Variants in TRAF3 observed in about 807,000 individuals in gnomAD.
The protein encoded by TRAF3 is TNF receptor-associated factor 3.
Under a neutral mutation model 62.3 loss-of-function variants are expected in TRAF3, and 13 were observed. That is an observed-to-expected ratio of 0.21 (90% CI 0.14 to 0.33). TRAF3 has a LOEUF of 0.33. TRAF3 is among the 10% of genes least tolerant of loss of function. TRAF3 has a pLI of 1.00. For synonymous variants in TRAF3, 269 were observed against 283.4 expected, an observed-to-expected ratio of 0.95 and a Z score of 0.51; for missense variants, 440 against 741.8, an observed-to-expected ratio of 0.59 and a Z score of 4.73.
rs541942138 is a variant in TRAF3, at chr14:102,880,720, A to G, written c.570+4195A>G. Among the ~76,000 whole-genome samples, 4 of 152,398 alleles carry G rather than the reference A, an allele frequency of 2.6e-5. No individual in the cohort carries two copies. In the South Asian group the frequency reaches 8.3e-4, roughly 32 times the overall value. On this transcript the variant is annotated intron_variant, in intron 6 of 11. Transcript: ENST00000392745. ...CATGGAATCAACCTAAATGCCCATC[A>G]GTGATAGACTGGATAAAGAAAATGT...
chr14:102,886,346 C>A, intron 7 of TRAF3, 77 bp downstream of exon 7: 1 of 1,269,654 alleles, frequency 7.9e-7, no homozygotes. Context: ...CCTGCATAGC[C>A]GAAGCCTCAC....
intron 2 of TRAF3, among the ~76,000 whole-genome samples, chr14:102,832,408 TCA>T (rs1303839463): frequency 2.6e-5 from 4 of 151,908 alleles, no homozygotes; most frequent in Non-Finnish European, 5.9e-5. Context: ...GCGTGGTGGC[TCA>T]CACCTGTAAT....
At chr14:102,797,036 G>GA in intron 1 of TRAF3, among the ~76,000 whole-genome samples, 1 of 152,208 alleles carries the variant, frequency 6.6e-6, no homozygotes, top group East Asian at 1.9e-4. Context: ...GAAGGGTAAT[G>GA]AGTCTTGAGG....
chr14:102,889,488 CTG>C, intron 7 of TRAF3, 70 bp from the exon 8 acceptor site: 1 of 1,462,528 alleles, frequency 6.8e-7, no homozygotes, highest in Non-Finnish European at 9.6e-7. Flanking sequence ...CAGATGCTAT[CTG>C]TGCCCTAATA....
intron 2 of TRAF3, among the ~76,000 whole-genome samples, chr14:102,839,567 C>CT (rs1349582582): frequency 6.6e-6 from 1 of 152,174 alleles, no homozygotes; most frequent in East Asian, 1.9e-4. Flanking sequence ...TGAGCACTTA[C>CT]TTTCAACAGT....
chr14:102,840,859 T>A (rs1356371609), intron 2 of TRAF3, among the ~76,000 whole-genome samples: 3 of 152,180 alleles, frequency 2.0e-5, no homozygotes, highest in Non-Finnish European at 4.4e-5. Flanking sequence ...CCATGTTCCT[T>A]GAAATAAGGG....
At chr14:102,785,807 C>T (rs138577355) in intron 1 of TRAF3, among the ~76,000 whole-genome samples, 1 of 152,096 alleles carries the variant, frequency 6.6e-6, no homozygotes. Context: ...TGTACCTGCT[C>T]CAGGAAGGGC....
chr14:102,802,847 G>C (rs879862306), intron 1 of TRAF3, among the ~76,000 whole-genome samples: 3 of 152,082 alleles, frequency 2.0e-5, no homozygotes, highest in Non-Finnish European at 4.4e-5. Flanking sequence ...AAATACTCGA[G>C]ACTGAGTAAT....
At chr14:102,796,160 T>G (rs1196671212) in intron 1 of TRAF3, among the ~76,000 whole-genome samples, 1 of 152,214 alleles carries the variant, frequency 6.6e-6, no homozygotes, top group Non-Finnish European at 1.5e-5. Context: ...GAGGTTGCAG[T>G]GAGCCGAGTT....
intron 2 of TRAF3, among the ~76,000 whole-genome samples, chr14:102,835,094 G>T (rs1375745771): frequency 6.6e-6 from 1 of 152,092 alleles, no homozygotes; most frequent in East Asian, 1.9e-4. Context: ...TGGGCAAAGG[G>T]CATGCACAGT....
At chr14:102,829,624 T>C (rs1006645253) in intron 1 of TRAF3, among the ~76,000 whole-genome samples, 2 of 152,194 alleles carry the variant, frequency 1.3e-5, no homozygotes, top group African/African-American at 2.4e-5. Context: ...GGCACAGCTT[T>C]CTATCCATCT....
chr14:102,842,762 A>C (rs57098056), intron 2 of TRAF3, among the ~76,000 whole-genome samples: 13,215 of 152,206 alleles, frequency 0.087, 1,420 homozygotes, highest in African/African-American at 0.26. Flanking sequence ...ACAGTTGCTA[A>C]TAACAGCGAT....
In TRAF3 at chr14:102,903,314, C is replaced by T. The variant is rs1260196286; in HGVS notation, c.1020C>T (p.Phe340=). ...AGCTTGACAAGGAGATCCGGCCCTTCCGGCAGAACTGGGAGGAAGCAGACA... is the reference window on the plus strand; with the variant it reads ...AGCTTGACAAGGAGATCCGGCCCTTTCGGCAGAACTGGGAGGAAGCAGACA... The part of the protein sequence containing the change: ...LKELDKEIRP[F]RQNWEEADSM... The change falls in exon 11 of 12, where the codon TTC becomes TTT. Residue 340 remains phenylalanine, a synonymous_variant. Transcript: ENST00000392745. This position sits in a 1 kb window ranked among gnomAD's most constrained non-coding sequence, Gnocchi z 6.4. 4 of 1,614,094 alleles carry T rather than the reference C, an allele frequency of 2.5e-6. No individual in the cohort carries two copies. The highest frequency in any genetic ancestry group is 3.4e-6 in the Non-Finnish European group (4 of 1,180,042).
chr14:102,908,469 G>A lies in TRAF3; in HGVS notation c.*2685G>A, dbSNP rs1423474532. On this transcript the variant is annotated 3_prime_UTR_variant, in exon 12 of 12. Coordinates refer to ENST00000392745, the MANE Select transcript of TRAF3 (RefSeq NM_145725.3). ...CGTCCCCTCTCCCGGCGGCGGGCAA[G>A]CCTTGCGCTGCTCCACCCTCGGCCT... 2 of 152,360 alleles carry A rather than the reference G, an allele frequency of 1.3e-5. No individual in the cohort carries two copies. Among genetic ancestry groups the A allele is most frequent in the African/African-American group, 2.4e-5 (1 of 41,394 alleles). 9.4% of individuals were successfully genotyped at this position (152,360 alleles called of 1,614,324 possible).
intron 1 of TRAF3, among the ~76,000 whole-genome samples, chr14:102,783,183 G>T (rs945681173): frequency 6.6e-6 from 1 of 152,206 alleles, no homozygotes; most frequent in South Asian, 2.1e-4. Flanking sequence ...GCCCACAGTG[G>T]TTCCATGTGT....
chr14:102,900,465 C>T (rs1390967263), intron 10 of TRAF3, among the ~76,000 whole-genome samples: 1 of 152,216 alleles, frequency 6.6e-6, no homozygotes, highest in Non-Finnish European at 1.5e-5. Flanking sequence ...TGCGCCATTG[C>T]ACTCGAGACT....
At chr14:102,881,479 A>G (rs986163495) in intron 6 of TRAF3, among the ~76,000 whole-genome samples, 1 of 152,194 alleles carries the variant, frequency 6.6e-6, no homozygotes, top group Non-Finnish European at 1.5e-5. Flanking sequence ...GTCCTTAGCA[A>G]ACTAACACAG....
At chr14:102,831,341 A>G (rs1187433570) in intron 2 of TRAF3, among the ~76,000 whole-genome samples, 1 of 152,230 alleles carries the variant, frequency 6.6e-6, no homozygotes, top group Non-Finnish European at 1.5e-5. Context: ...GGGCATTGAC[A>G]TAACAAGGTG....
At chr14:102,844,679 G>T (rs907798370) in intron 2 of TRAF3, among the ~76,000 whole-genome samples, 2 of 152,150 alleles carry the variant, frequency 1.3e-5, no homozygotes, top group African/African-American at 4.8e-5. Flanking sequence ...AATCTCCATT[G>T]CAGTAATTGC....
Sources: gnomAD v4.1 joint callset for allele counts (sites outside exome capture counted in the v4.1 genomes callset) on GRCh38, gnomAD v4.1.1 for gene constraint, Gnocchi (gnomAD v3.1) non-coding constraint, MANE v1.5 for transcripts, NCBI Gene and HGNC (gene_info 2026-07-23, HGNC 2026-07-21) for gene names.